TNPO1: variants seen among roughly 807,000 people sequenced by gnomAD.
The protein encoded by TNPO1 is transportin-1.
Under a neutral mutation model 119.5 loss-of-function variants are expected in TNPO1, and 8 were observed. That is an observed-to-expected ratio of 0.07 (90% confidence interval 0.04 to 0.12). The LOEUF is 0.12. TNPO1 is among the 10% of genes least tolerant of loss of function. The pLI is 1.00. For synonymous variants in TNPO1, 362 were observed against 363.0 expected, an observed-to-expected ratio of 1.00 and a Z score of 0.03; for missense variants, 576 against 1,089.8, an observed-to-expected ratio of 0.53 and a Z score of 6.64.
At chr5:72,869,039 A>G (rs996790216) in intron 6 of TNPO1, among the ~76,000 whole-genome samples, 1 of 152,202 alleles carries the variant, frequency 6.6e-6, no homozygotes, top group Non-Finnish European at 1.5e-5. Context: ...ACATATTGCA[A>G]TGAATTTCTA....
chr5:72,911,899 T>C lies in TNPO1; in HGVS notation c.*3226T>C, dbSNP rs1369923180. The C allele has an allele frequency of 6.6e-6, 1 of 152,538 alleles. No homozygotes were observed. The highest frequency in any genetic ancestry group is 6.6e-5 in the Admixed American group (1 of 15,266). The allele number at this position is 152,538 out of a possible 1,614,324, so 9.4% of individuals were successfully genotyped here. A position where few individuals can be genotyped will look rare whatever the true frequency, so the allele number is the denominator to read the frequency against. On this transcript the variant is annotated 3_prime_UTR_variant, in exon 25 of 25. Coordinates refer to ENST00000337273, the MANE Select transcript of TNPO1 (RefSeq NM_002270.4). ...AAGGATTCTAACAGAACAAAGCTGCTGATCAACCTAAGTTGGAAACAGAAA... is the reference window on the plus strand; with the variant it reads ...AAGGATTCTAACAGAACAAAGCTGCCGATCAACCTAAGTTGGAAACAGAAA...
rs1400615661 is a variant in TNPO1, at chr5:72,817,030, C to T, written c.15+278C>T. ...GGCGGCAGGAGCCCGTTACAAGGGG[C>T]GGGAAGGGAAGGGTCTTACATTCAG... On this transcript the variant is annotated intron_variant, in intron 1 of 24. Coordinates refer to ENST00000337273, the MANE Select transcript of TNPO1 (RefSeq NM_002270.4). The T allele has an allele frequency of 4.5e-5, 21 of 469,792 alleles. No individual in the cohort carries two copies. In the South Asian group the frequency reaches 6.4e-4, roughly 14 times the overall value. 29.1% of individuals were successfully genotyped at this position (469,792 alleles called of 1,614,324 possible).
chr5:72,865,477 G>A, intron 5 of TNPO1, 119 bp from the exon 6 acceptor site: 1 of 1,097,058 alleles, frequency 9.1e-7, no homozygotes, highest in Non-Finnish European at 1.3e-6. Flanking sequence ...ATGGATTTTA[G>A]AAGGCATTTT....
intron 9 of TNPO1, among the ~76,000 whole-genome samples, chr5:72,880,959 C>T (rs1346860656): frequency 6.6e-6 from 1 of 152,068 alleles, no homozygotes; most frequent in Non-Finnish European, 1.5e-5. Flanking sequence ...CACATGGTCA[C>T]GGTTAATTTC....
chr5:72,853,802 T>C (rs1347022271), intron 3 of TNPO1, among the ~76,000 whole-genome samples: 1 of 152,198 alleles, frequency 6.6e-6, no homozygotes, highest in Admixed American at 6.5e-5. Context: ...GTAGTAATCT[T>C]ATCACTGAAT....
chr5:72,899,535 G>T (rs1266671103), intron 20 of TNPO1, among the ~76,000 whole-genome samples: 1 of 152,054 alleles, frequency 6.6e-6, no homozygotes, highest in Non-Finnish European at 1.5e-5. Context: ...ACTTTCACCT[G>T]TATTAGTTTG....
intron 9 of TNPO1, among the ~76,000 whole-genome samples, chr5:72,881,173 C>T (rs1002838172): frequency 6.6e-5 from 10 of 152,084 alleles, no homozygotes; most frequent in Middle Eastern, 3.4e-3. Flanking sequence ...TGCAGTGGCG[C>T]GATCTCAGCT....
chr5:72,906,275 CTTTTTTTTTT>C lies in TNPO1; in HGVS notation c.*35+859_*35+868del, dbSNP rs869051297. ...CCATGTGCCCATCACTTTTTTTTTT[CTTTTTTTTTT>C]TTTTTTTTTTTTTTTTTTTTTTTTT... On this transcript the variant is annotated intron_variant, in intron 24 of 24. Transcript: ENST00000337273. Among the ~76,000 whole-genome samples, 93 of 54,696 alleles carry C rather than the reference CTTTTTTTTTT, an allele frequency of 1.7e-3. 5 individuals are homozygous for C. The South Asian group carries it at 0.031, about 18-fold the overall frequency. 35.9% of individuals were successfully genotyped at this position (54,696 alleles called of 152,430 possible). A position where few individuals can be genotyped will look rare whatever the true frequency, so the allele number is the denominator to read the frequency against.
At chr5:72,859,844 G>A (rs762873111) in intron 4 of TNPO1, among the ~76,000 whole-genome samples, 1 of 152,146 alleles carries the variant, frequency 6.6e-6, no homozygotes, top group Non-Finnish European at 1.5e-5. Flanking sequence ...TCCCGTATTT[G>A]TTATAAATAC....
intron 3 of TNPO1, among the ~76,000 whole-genome samples, chr5:72,853,326 C>T (rs147922143): frequency 1.3e-4 from 20 of 152,250 alleles, no homozygotes; most frequent in East Asian, 5.8e-4. Context: ...CCTGTGGTCC[C>T]GCTACTCAGG....
intron 3 of TNPO1, among the ~76,000 whole-genome samples, chr5:72,855,030 G>A (rs1043149580): frequency 6.6e-6 from 1 of 151,458 alleles, no homozygotes; most frequent in African/African-American, 2.4e-5. Flanking sequence ...TCACTCTGTC[G>A]CCTGGGCTGG....
intron 1 of TNPO1, among the ~76,000 whole-genome samples, chr5:72,822,646 G>T (rs142943058): frequency 0.014 from 2,098 of 148,882 alleles, 24 homozygotes; most frequent in Middle Eastern, 0.031. Flanking sequence ...AGGCTGGAGT[G>T]CAGTGGCATG....
intron 3 of TNPO1, among the ~76,000 whole-genome samples, chr5:72,854,840 G>A (rs993438398): frequency 3.6e-4 from 55 of 152,056 alleles, no homozygotes; most frequent in African/African-American, 1.3e-3. Flanking sequence ...TGTTTTTGGA[G>A]GTATTTTTTT....
chr5:72,831,319 C>A (rs1458740840), intron 1 of TNPO1, among the ~76,000 whole-genome samples: 1 of 151,600 alleles, frequency 6.6e-6, no homozygotes, highest in Non-Finnish European at 1.5e-5. Context: ...TCTTCTAGTT[C>A]AACATATTGT....
intron 1 of TNPO1, among the ~76,000 whole-genome samples, chr5:72,839,374 A>T (rs1217288102): frequency 1.3e-5 from 2 of 152,152 alleles, no homozygotes; most frequent in African/African-American, 4.8e-5. Context: ...CCAGTTAAGG[A>T]TCATAATTTT....
At chr5:72,847,641 A>G (rs1039823031) in intron 1 of TNPO1, among the ~76,000 whole-genome samples, 3 of 152,224 alleles carry the variant, frequency 2.0e-5, no homozygotes, top group Non-Finnish European at 4.4e-5. Context: ...TACTTTTGGA[A>G]TGTAGTTATT....
chr5:72,831,879 G>A (rs1195921779), intron 1 of TNPO1, among the ~76,000 whole-genome samples: 2 of 152,096 alleles, frequency 1.3e-5, no homozygotes, highest in Admixed American at 6.5e-5. Context: ...TTCAAGTACC[G>A]TAACTTAAGT....
At chr5:72,900,225 G>T (rs1749710118) in intron 21 of TNPO1, 144 bp downstream of exon 21, 2 of 655,060 alleles carry the variant, frequency 3.1e-6, no homozygotes, top group South Asian at 2.4e-5. Flanking sequence ...GTCCTATCAG[G>T]TTTGTGAGGT....
At chr5:72,896,598 G>C (rs892726414) in intron 19 of TNPO1, 42 bp downstream of exon 19, 1 of 1,517,084 alleles carries the variant, frequency 6.6e-7, no homozygotes, top group Non-Finnish European at 9.1e-7. Flanking sequence ...GGCCTGGCGC[G>C]GTGGCTCACG....
Sources: gnomAD v4.1 joint callset for allele counts (sites outside exome capture counted in the v4.1 genomes callset) on GRCh38, gnomAD v4.1.1 for gene constraint, MANE v1.5 for transcripts, NCBI Gene and HGNC (gene_info 2026-07-23, HGNC 2026-07-21) for gene names.